The following FHOD1 variants were observed in gnomAD, a reference collection of about 807,000 sequenced individuals.
The protein encoded by FHOD1 is formin homology 2 domain containing 1, also known as FH1/FH2 domain-containing protein 1.
Under a neutral mutation model 111.6 loss-of-function variants are expected in FHOD1, and 89 were observed. The observed-to-expected ratio is 0.80, with a 90% confidence interval of 0.67 to 0.95. FHOD1 has a LOEUF of 0.95. Among genes scored for constraint, FHOD1 ranks in the 40% least tolerant of loss-of-function variants. The pLI is 0.00. For synonymous variants in FHOD1, 618 were observed against 639.0 expected (o/e 0.97, Z 0.50); for missense variants, 1,446 against 1,554.2 (o/e 0.93, Z 1.17).
rs767599083 is a variant in FHOD1 at position 67,238,395 on chromosome 16, C to T, written c.426G>A (p.Leu142=). 3.7e-6 allele frequency: 6 copies of T among 1,614,148 alleles called. No individual in the cohort carries two copies. In the South Asian group the frequency reaches 5.5e-5, roughly 15 times the overall value. Reference sequence around the variant, plus strand: ...GGGGCCTCACCTGGAAGATCTGCTTCAGTGAGAAGAGGGAGCGGCGGAGCT... The same window carrying T: ...GGGGCCTCACCTGGAAGATCTGCTTTAGTGAGAAGAGGGAGCGGCGGAGCT... ...GPELRRSLFS[L]KQIFQEDKDL... The change falls in exon 4 of 22, where the codon CTG becomes CTA. Residue 142 remains leucine (L), a synonymous_variant. Transcript: ENST00000258201. This position sits in a 1 kb window ranked among gnomAD's most constrained non-coding sequence, Gnocchi z 4.2.
chr16:67,241,071 C>G (rs2034649131), intron 1 of FHOD1, among the ~76,000 whole-genome samples: 1 of 151,480 alleles, frequency 6.6e-6, no homozygotes, highest in Non-Finnish European at 1.5e-5. Context: ...CAGAGCCTGA[C>G]CTGGCTCCTT....
Position 67,231,242 on chromosome 16 carries a change from C to CCCCG in FHOD1, c.2612_2613insCGGG (p.Pro872GlyfsTer3). The CCCCG allele has an allele frequency of 6.2e-7, 1 of 1,614,188 alleles. No individual in the cohort carries two copies. Among genetic ancestry groups the CCCCG allele is most frequent in the Non-Finnish European group, 8.5e-7 (1 of 1,180,032 alleles). The stretch of plus-strand genomic sequence containing the variant: ...CTGAATAGAGGTCAGAGGACTCAGG[C>CCCCG]CGGGTCTGGAGCACTAGGGAGCAGA... On this transcript the variant is annotated frameshift_variant, in exon 17 of 22. Coordinates refer to ENST00000258201, the MANE Select transcript of FHOD1 (RefSeq NM_013241.3). LOFTEE classifies it high-confidence loss of function. The surrounding 1 kb of genome is among the most constrained non-coding windows in gnomAD (Gnocchi z 4.3).
chr16:67,234,772 G>GT (rs952200999), intron 11 of FHOD1: 12,438 of 302,748 alleles, frequency 0.041, no homozygotes, highest in South Asian at 0.081. Flanking sequence ...TTTTTGGTTG[G>GT]TTTTTTTTTT....
At chr16:67,234,626 C>T (rs7342763) in intron 11 of FHOD1, 154 bp from the exon 12 acceptor site, 11 of 613,970 alleles carry the variant, frequency 1.8e-5, no homozygotes, top group African/African-American at 1.1e-4. Flanking sequence ...CACACCCCCC[C>T]CAAGGCCAGC....
intron 11 of FHOD1, chr16:67,235,953 G>C (rs1280037400): frequency 1.8e-5 from 14 of 798,412 alleles, no homozygotes; most frequent in Non-Finnish European, 2.1e-5. Flanking sequence ...AACCCCTGCT[G>C]GGGGAAGCAA....
In FHOD1 at chr16:67,234,206, A is replaced by G; in HGVS notation, c.1497T>C (p.Pro499=). 1 of 1,547,218 alleles carries G rather than the reference A, an allele frequency of 6.5e-7. No homozygotes were observed. Among genetic ancestry groups the G allele is most frequent in the Non-Finnish European group, 8.7e-7 (1 of 1,145,316 alleles). The part of the protein sequence containing the change: ...TAPAARTPQS[P]APCVLLRAQR... ...GGGCCCGGAGCAGGACACAGGGGGC[A>G]GGGCTCTGGGGTGTTCTGGCTGCAG... is the stretch of plus-strand genomic sequence containing the variant. The change falls in exon 13 of 22, where the codon CCT becomes CCC. Residue 499 remains proline, a synonymous_variant. Transcript: ENST00000258201.
intron 1 of FHOD1, among the ~76,000 whole-genome samples, chr16:67,242,740 C>T (rs2034701564): frequency 6.6e-6 from 1 of 152,170 alleles, no homozygotes; most frequent in South Asian, 2.1e-4. Context: ...CAGCTTCTCA[C>T]ATTGGCCTCC....
At chr16:67,245,731 C>T (rs1405597873) in intron 1 of FHOD1, among the ~76,000 whole-genome samples, 1 of 151,558 alleles carries the variant, frequency 6.6e-6, no homozygotes, top group Non-Finnish European at 1.5e-5. Flanking sequence ...GGAGACAGAG[C>T]CAGAATCCGT....
chr16:67,234,716 T>A, intron 11 of FHOD1: 1 of 510,878 alleles, frequency 2.0e-6, no homozygotes, highest in Non-Finnish European at 3.5e-6. Context: ...GAGGATCTAC[T>A]TAACATCTAA....
In FHOD1 at chr16:67,230,429, G is replaced by A. The variant is rs766205021; in HGVS notation, c.2936C>T (p.Thr979Met). The change falls in exon 19 of 22, where the codon ACG becomes ATG. Residue 979 changes from threonine to methionine, a missense_variant. By Grantham distance (81) the Thr-to-Met change is moderately conservative. Coordinates refer to ENST00000258201, the MANE Select transcript of FHOD1 (RefSeq NM_013241.3). ...ATACTCAAGCGCAAATTCCCGCAGCGTGTGGCAGAACTGCATGATGCGCAC... is the reference window on the plus strand; with the variant it reads ...ATACTCAAGCGCAAATTCCCGCAGCATGTGGCAGAACTGCATGATGCGCAC... The part of the protein sequence containing the change: ...REVRIMQFCH[T>M]LREFALEYRT... The A allele has an allele frequency of 1.7e-5, 28 of 1,614,118 alleles. No homozygotes were observed. The highest frequency in any genetic ancestry group is 1.1e-4 in the East Asian group (5 of 44,900).
Position 67,231,050 on chromosome 16 carries a change from A to G in FHOD1, c.2667+138T>C. On this transcript the variant is annotated intron_variant, in intron 17 of 21. Transcript: ENST00000258201. This position sits in a 1 kb window ranked among gnomAD's most constrained non-coding sequence, Gnocchi z 4.3. ...ATAGAGGAAAGAGCATTTCTGGCAG[A>G]GGGCATAGCTCACACCCAGGTGGCT... 8.8e-7 allele frequency: 1 copy of G among 1,139,398 alleles called. No individual in the cohort carries two copies. The highest frequency in any genetic ancestry group is 2.6e-5 in the Admixed American group (1 of 38,138). The allele number at this position is 1,139,398 out of a possible 1,614,324, so 70.6% of individuals were successfully genotyped here. A position where few individuals can be genotyped will look rare whatever the true frequency, so the allele number is the denominator to read the frequency against.
chr16:67,234,801 T>G, intron 11 of FHOD1: 1 of 285,368 alleles, frequency 3.5e-6, no homozygotes. Context: ...GGTCTCACTC[T>G]GTCAGTCACC....
rs1567384664 is a variant in FHOD1, at chr16:67,231,791, T to A, written c.2231A>T (p.Glu744Val). 1 of 1,614,130 alleles carries A rather than the reference T, an allele frequency of 6.2e-7. No individual in the cohort carries two copies. Among genetic ancestry groups the A allele is most frequent in the South Asian group, 1.1e-5 (1 of 91,074 alleles). Residue 744 changes from glutamate to valine, a missense_variant, in exon 15 of 22, where the codon GAA becomes GTA. By Grantham distance (121) the Glu-to-Val change is moderately radical. Coordinates refer to ENST00000258201, the MANE Select transcript of FHOD1 (RefSeq NM_013241.3). The surrounding 1 kb of genome is among the most constrained non-coding windows in gnomAD (Gnocchi z 4.3). ...GGCTTCCTCAATCTTCTGCCGCTCT[T>A]CCTCCGTGGGCATCATGGTCAGTAG... ...EKLLTMMPTE[E>V]ERQKIEEAQL...
chr16:67,246,383 T>G (rs929019530), intron 1 of FHOD1, among the ~76,000 whole-genome samples: 6 of 152,056 alleles, frequency 3.9e-5, no homozygotes, highest in Non-Finnish European at 8.8e-5. Flanking sequence ...CGGAAAGGGC[T>G]GCCTGCGGGG....
rs138444737 is a variant in FHOD1 at position 67,232,124 on chromosome 16, C to T, written c.2117G>A (p.Gly706Asp). The T allele has an allele frequency of 3.1e-6, 5 of 1,614,190 alleles. No homozygotes were observed. Among genetic ancestry groups the T allele is most frequent in the Non-Finnish European group, 4.2e-6 (5 of 1,180,038 alleles). ...ATGCACAGGTGGCAGTGTGGTTAGG[C>T]CGATGTTGATGGCGTTGCTGCGCTT... ...DPKRSNAINI[G>D]LTTLPPVHVI... is the part of the protein sequence containing the mutation. The change falls in exon 14 of 22, where the codon GGC becomes GAC. Residue 706 changes from glycine to aspartate, a missense_variant. Gly to Asp is a moderately conservative substitution (Grantham distance 94). Transcript: ENST00000258201.
At chr16:67,245,509 C>T (rs987950386) in intron 1 of FHOD1, among the ~76,000 whole-genome samples, 7 of 152,112 alleles carry the variant, frequency 4.6e-5, no homozygotes, top group Admixed American at 3.9e-4. Context: ...CTTTGGGAGG[C>T]TTAGGCAGGC....
At position 67,234,150 on chromosome 16, in the gene FHOD1, G is replaced by C. The variant is rs1451042224; in HGVS notation, c.1553C>G (p.Pro518Arg). ...QRSLAPEPKE[P>R]LIPASPKAEP... is the part of the protein sequence containing the mutation. ...AGCCTTGGGGCTTGCTGGTATCAGT[G>C]GCTCCTTGGGCTCTGGTGCAAGGCT... Residue 518 changes from proline (P) to arginine (R), a missense_variant, in exon 13 of 22, where the codon CCA (proline) becomes CGA (arginine). Pro to Arg is a moderately radical substitution (Grantham distance 103). This residue lies in a region of FHOD1 where 1,085 missense variants were observed against 1,108.8 expected (regional missense o/e 0.98). Coordinates refer to ENST00000258201, the MANE Select transcript of FHOD1 (RefSeq NM_013241.3). 1 of 1,560,680 alleles carries C rather than the reference G, an allele frequency of 6.4e-7. No individual in the cohort carries two copies. The highest frequency in any genetic ancestry group is 2.3e-5 in the East Asian group (1 of 44,378).
chr16:67,234,512 C>A (rs368067968), intron 11 of FHOD1, 40 bp from the exon 12 acceptor site: 5 of 1,524,846 alleles, frequency 3.3e-6, no homozygotes, highest in Non-Finnish European at 4.4e-6. Context: ...TCTGACACAC[C>A]CCAGCCCAGG....
chr16:67,237,922 C>G lies in FHOD1; in HGVS notation c.642+112G>C, dbSNP rs2034551194. ...CCCAGGCACTGAAGTGCCTTATAGG[C>G]TTACAGAGGCCTCAGACTCACTCCC... On this transcript the variant is annotated intron_variant, in intron 6 of 21. Transcript: ENST00000258201. The surrounding 1 kb of genome is among the most constrained non-coding windows in gnomAD (Gnocchi z 5.6). 5.2e-6 allele frequency: 7 copies of G among 1,348,114 alleles called. No homozygotes were observed. In the South Asian group the frequency reaches 7.5e-5, roughly 14 times the overall value. The allele number at this position is 1,348,114 out of a possible 1,614,324, so 83.5% of individuals were successfully genotyped here.
Sources: gnomAD v4.1 joint callset for allele counts (sites outside exome capture counted in the v4.1 genomes callset) on GRCh38, gnomAD v4.1.1 for gene constraint, gnomAD v4.1.1 regional missense constraint, Gnocchi (gnomAD v3.1) non-coding constraint, MANE v1.5 for transcripts, NCBI Gene and HGNC (gene_info 2026-07-23, HGNC 2026-07-21) for gene names.